ARID2: variants seen among roughly 807,000 people sequenced by gnomAD.
ARID2 encodes AT-rich interactive domain-containing protein 2.
A neutral mutation model predicts 184.6 loss-of-function variants in ARID2; 32 were observed. The ratio of observed to expected loss-of-function variants is 0.17; its 90% CI spans 0.13 to 0.23. ARID2 has a LOEUF of 0.23. Ranked by LOEUF, ARID2 falls within the 10% of genes least tolerant of loss-of-function variation. The pLI is 1.00. For synonymous variants in ARID2, 836 were observed against 772.6 expected, an observed-to-expected ratio of 1.08 and a Z score of -1.36; for missense variants, 1,696 against 2,197.6, an observed-to-expected ratio of 0.77 and a Z score of 4.56.
At chr12:45,766,611 T>A (rs1394445433) in intron 3 of ARID2, among the ~76,000 whole-genome samples, 1 of 151,378 alleles carries the variant, frequency 6.6e-6, no homozygotes, top group Non-Finnish European at 1.5e-5. Flanking sequence ...CCTCCTGGGT[T>A]CATGCCCTTC....
At chr12:45,792,418 T>A (rs1361041118) in intron 3 of ARID2, among the ~76,000 whole-genome samples, 1 of 152,226 alleles carries the variant, frequency 6.6e-6, no homozygotes, top group Non-Finnish European at 1.5e-5. Context: ...ATGATCCCAA[T>A]TGTTTGCAAT....
intron 16 of ARID2, among the ~76,000 whole-genome samples, chr12:45,864,579 A>G (rs1276939264): frequency 2.0e-5 from 3 of 149,516 alleles, no homozygotes; most frequent in Non-Finnish European, 4.4e-5. Flanking sequence ...GATTTTCCTG[A>G]TACTGTTTAG....
intron 11 of ARID2, chr12:45,841,136 G>C (rs1943336006): frequency 6.6e-6 from 1 of 152,176 alleles, no homozygotes; most frequent in African/African-American, 2.4e-5. Flanking sequence ...TAAATTAATT[G>C]AGGGACATAA....
intron 3 of ARID2, among the ~76,000 whole-genome samples, chr12:45,772,746 A>C (rs1340411460): frequency 6.6e-6 from 1 of 152,252 alleles, no homozygotes; most frequent in African/African-American, 2.4e-5. Context: ...ACAAAGCTCC[A>C]AAATAGTATG....
intron 3 of ARID2, among the ~76,000 whole-genome samples, chr12:45,743,687 G>C (rs1416635887): frequency 1.3e-5 from 2 of 152,222 alleles, no homozygotes; most frequent in African/African-American, 4.8e-5. Context: ...TTTTATGGGG[G>C]TTGCATTAAA....
chr12:45,729,975 CG>C, intron 1 of ARID2, 47 bp downstream of exon 1: 1 of 1,604,894 alleles, frequency 6.2e-7, no homozygotes. Flanking sequence ...CCGGGGCGAA[CG>C]GGGCTCTCCC....
intron 16 of ARID2, among the ~76,000 whole-genome samples, chr12:45,877,824 C>T (rs1565635314): frequency 6.6e-6 from 1 of 152,200 alleles, no homozygotes; most frequent in Non-Finnish European, 1.5e-5. Flanking sequence ...TTCTCTAACA[C>T]TCTTCCTTAC....
intron 3 of ARID2, among the ~76,000 whole-genome samples, chr12:45,780,078 G>A (rs1942060314): frequency 6.6e-6 from 1 of 152,188 alleles, no homozygotes; most frequent in Non-Finnish European, 1.5e-5. Flanking sequence ...TTGCCTAGTA[G>A]TTGGTAAATG....
Position 45,735,438 on chromosome 12 carries a change from T to TGTGC in ARID2, c.284+4127_284+4128insCGTG, listed in dbSNP as rs1469049873. On this transcript the variant is annotated intron_variant, in intron 3 of 20. Coordinates refer to ENST00000334344, the MANE Select transcript of ARID2 (RefSeq NM_152641.4). ...TGTATCGTGTGTGTGTGTGTGTGTG[T>TGTGC]GTGTGTGTGTGTGTGTGTGTGTAGA... 2.1e-5 allele frequency among the ~76,000 whole-genome samples: 3 copies of TGTGC among 143,008 alleles called. 1 individual carries two copies. Among genetic ancestry groups the TGTGC allele is most frequent in the African/African-American group, 7.4e-5 (3 of 40,576 alleles). The allele number at this position is 143,008 out of a possible 152,430, so 93.8% of individuals were successfully genotyped here.
chr12:45,878,991 A>AT (rs771900010), intron 16 of ARID2, among the ~76,000 whole-genome samples: 18 of 151,276 alleles, frequency 1.2e-4, no homozygotes, highest in Non-Finnish European at 2.2e-4. Flanking sequence ...TTGTTGTTGG[A>AT]TTTTTTTTAG....
intron 18 of ARID2, among the ~76,000 whole-genome samples, chr12:45,893,101 A>G (rs997486757): frequency 1.3e-5 from 2 of 152,248 alleles, no homozygotes. Context: ...TGAGAAGGCT[A>G]TAACTTCGAT....
At chr12:45,808,706 C>T (rs942057841) in intron 3 of ARID2, among the ~76,000 whole-genome samples, 1 of 151,598 alleles carries the variant, frequency 6.6e-6, no homozygotes, top group African/African-American at 2.4e-5. Context: ...CTTTCTCTCC[C>T]GGCCGTTATT....
At chr12:45,849,047 A>G (rs1943492894) in intron 13 of ARID2, 77 bp downstream of exon 13, 1 of 1,466,874 alleles carries the variant, frequency 6.8e-7, no homozygotes, top group Non-Finnish European at 9.2e-7. Flanking sequence ...AAAATACCAA[A>G]TATCTTATCT....
chr12:45,739,080 T>C (rs866136485), intron 3 of ARID2, among the ~76,000 whole-genome samples: 4 of 151,952 alleles, frequency 2.6e-5, no homozygotes, highest in African/African-American at 9.7e-5. Flanking sequence ...GTGATTCTCC[T>C]GCCTCAGCCT....
intron 4 of ARID2, among the ~76,000 whole-genome samples, chr12:45,816,936 T>G (rs1942814000): frequency 6.6e-6 from 1 of 152,264 alleles, no homozygotes; most frequent in African/African-American, 2.4e-5. Context: ...ACTCTATATC[T>G]TGACTGTGAT....
At chr12:45,730,010 G>A (rs776496790) in intron 1 of ARID2, 34 bp from the exon 2 acceptor site, 1 of 1,610,276 alleles carries the variant, frequency 6.2e-7, no homozygotes, top group South Asian at 1.1e-5. Flanking sequence ...ACGGGGTCCC[G>A]GCTGACAAGT....
intron 3 of ARID2, among the ~76,000 whole-genome samples, chr12:45,801,046 C>T (rs907497627): frequency 6.6e-6 from 1 of 152,196 alleles, no homozygotes; most frequent in Non-Finnish European, 1.5e-5. Flanking sequence ...AAATTACTTT[C>T]TCACGCCTGT....
intron 20 of ARID2, among the ~76,000 whole-genome samples, chr12:45,899,140 C>T (rs1047759375): frequency 2.7e-5 from 4 of 150,654 alleles, no homozygotes; most frequent in East Asian, 2.0e-4. Flanking sequence ...GGCGTGGTGG[C>T]GCGTACCTGT....
chr12:45,780,490 T>C (rs967590942), intron 3 of ARID2, among the ~76,000 whole-genome samples: 4 of 152,182 alleles, frequency 2.6e-5, no homozygotes, highest in Admixed American at 2.0e-4. Context: ...CTGATTTTTA[T>C]ATGGTAATAC....
Sources: gnomAD v4.1 joint callset for allele counts (sites outside exome capture counted in the v4.1 genomes callset) on GRCh38, gnomAD v4.1.1 for gene constraint, MANE v1.5 for transcripts, NCBI Gene and HGNC (gene_info 2026-07-23, HGNC 2026-07-21) for gene names.